PKN2: variants seen among roughly 807,000 people sequenced by gnomAD.
The protein encoded by PKN2 is protein kinase N2, also known as serine/threonine-protein kinase N2.
In PKN2, 38 loss-of-function variants were observed where a neutral mutation model predicts 119.1. That is an observed-to-expected ratio of 0.32 (90% CI 0.25 to 0.42). The LOEUF (loss-of-function observed/expected upper bound fraction) is 0.42. PKN2 is among the 10% of genes least tolerant of loss of function. The pLI, the probability that PKN2 is intolerant of heterozygous loss-of-function variation, is 1.00. For synonymous variants in PKN2, 390 were observed against 384.9 expected, an observed-to-expected ratio of 1.01 and a Z score of -0.15; for missense variants, 850 against 1,165.1, an observed-to-expected ratio of 0.73 and a Z score of 3.94.
intron 12 of PKN2, among the ~76,000 whole-genome samples, chr1:88,806,663 C>T (rs994704542): frequency 3.9e-5 from 6 of 152,126 alleles, no homozygotes; most frequent in Non-Finnish European, 1.5e-5. Flanking sequence ...GCCTGAAATA[C>T]TATTCTTCTT....
rs1669392548 is a variant in PKN2, at chr1:88,760,307, G to A, written c.435G>A (p.Leu145=). The A allele has an allele frequency of 5.8e-6, 9 of 1,562,514 alleles. No homozygotes were observed. In the East Asian group the frequency reaches 2.0e-4, roughly 35 times the overall value. ...NNRLKALQKQ[L]DIELKVKQGA... ...GATTGAAGGCCTTACAAAAACAATT[G>A]GATATAGAACTTAAAGTAAAACAAG... The change falls in exon 3 of 22, where the codon TTG becomes TTA. Residue 145 remains leucine (L), a synonymous_variant. Coordinates refer to ENST00000370521, the MANE Select transcript of PKN2 (RefSeq NM_006256.4).
At position 88,771,778 on chromosome 1, in the gene PKN2, A is replaced by G. The variant is rs766275815; in HGVS notation, c.884A>G (p.Glu295Gly). 1 of 1,613,868 alleles carries G rather than the reference A, an allele frequency of 6.2e-7. No individual in the cohort carries two copies. The highest frequency in any genetic ancestry group is 1.3e-5 in the African/African-American group (1 of 74,920). ...NHPKSRIIIEELSLVAASPTL... is the reference protein window; with the variant it reads ...NHPKSRIIIEGLSLVAASPTL... Reference sequence around the variant, plus strand: ...CCCAAAAGCAGGATTATTATTGAAGAACTTTCACTTGTTGCTGCATCACCA... The same window carrying G: ...CCCAAAAGCAGGATTATTATTGAAGGACTTTCACTTGTTGCTGCATCACCA... The change falls in exon 6 of 22, where the codon GAA becomes GGA. Residue 295 changes from glutamate (E) to glycine (G), a missense_variant. Glu to Gly is a moderately conservative substitution (Grantham distance 98). Coordinates refer to ENST00000370521, the MANE Select transcript of PKN2 (RefSeq NM_006256.4).
chr1:88,737,821 C>T (rs1668416797), intron 1 of PKN2, among the ~76,000 whole-genome samples: 1 of 152,180 alleles, frequency 6.6e-6, no homozygotes, highest in Admixed American at 6.5e-5. Context: ...TGGGCTGTGT[C>T]TCTCTCTGTG....
chr1:88,710,894 A>G (rs554005118), intron 1 of PKN2, among the ~76,000 whole-genome samples: 1 of 152,350 alleles, frequency 6.6e-6, no homozygotes, highest in South Asian at 2.1e-4. Context: ...ACATGGAATC[A>G]ACCTAAATGC....
Position 88,826,249 on chromosome 1 carries a change from G to A in PKN2, c.2419+1863G>A, listed in dbSNP as rs575457406. Reference sequence around the variant, plus strand: ...AACATAAAAGGTGCAGAAAATATGTGTGTTGAATAACCAGACTTATTAATG... The same window carrying A: ...AACATAAAAGGTGCAGAAAATATGTATGTTGAATAACCAGACTTATTAATG... On this transcript the variant is annotated intron_variant, in intron 18 of 21. Transcript: ENST00000370521. 6.0e-4 allele frequency among the ~76,000 whole-genome samples: 92 copies of A among 152,198 alleles called. 1 individual carries two copies. The highest frequency in any genetic ancestry group is 1.2e-3 in the Non-Finnish European group (79 of 68,024).
intron 8 of PKN2, among the ~76,000 whole-genome samples, chr1:88,793,043 A>G (rs374910815): frequency 1.3e-5 from 2 of 152,214 alleles, no homozygotes; most frequent in Non-Finnish European, 1.5e-5. Context: ...TTAAATGGAT[A>G]CTGTTGACAC....
intron 1 of PKN2, among the ~76,000 whole-genome samples, chr1:88,705,567 C>T (rs1043289498): frequency 6.6e-6 from 1 of 151,738 alleles, no homozygotes; most frequent in Non-Finnish European, 1.5e-5. Flanking sequence ...GTTGTGGTGG[C>T]AGGCATTGTA....
In PKN2 at chr1:88,833,443, T is replaced by G; in HGVS notation, c.2950T>G (p.Cys984Gly). The change falls in exon 22 of 22, where the codon TGT (cysteine) becomes GGT (glycine). Residue 984 changes from cysteine (C) to glycine (G), a missense_variant. Cys to Gly is a radical substitution (Grantham distance 159). Around this residue, in one of 9 missense-constraint regions of PKN2, gnomAD observed 52 missense variants for 39.9 expected, o/e 1.30. Coordinates refer to ENST00000370521, the MANE Select transcript of PKN2 (RefSeq NM_006256.4). Reference sequence around the variant, plus strand: ...AGATTTTGACTACATTGCTGATTGGTGTTAAGTTGCTAGACACTGCGAAAC... The same window carrying G: ...AGATTTTGACTACATTGCTGATTGGGGTTAAGTTGCTAGACACTGCGAAAC... ...FRDFDYIADW[C>G] 1 of 1,612,762 alleles carries G rather than the reference T, an allele frequency of 6.2e-7. No homozygotes were observed. Among genetic ancestry groups the G allele is most frequent in the Non-Finnish European group, 8.5e-7 (1 of 1,179,032 alleles).
At chr1:88,717,350 AG>A (rs1667495748) in intron 1 of PKN2, among the ~76,000 whole-genome samples, 1 of 152,112 alleles carries the variant, frequency 6.6e-6, no homozygotes. Context: ...CTGCCTTGCT[AG>A]GTTGGGGAAG....
In PKN2 at chr1:88,770,349, T is replaced by A. The variant is rs749483995; in HGVS notation, c.505-3T>A. On this transcript the variant is annotated splice_region_variant and splice_polypyrimidine_tract_variant and intron_variant, in intron 3 of 21. Transcript: ENST00000370521. ...TAATTTTTCAAACTTATTTTTTTAA[T>A]AGGATCGGAAACTCCATGGTACAGC... 2 of 1,568,494 alleles carry A rather than the reference T, an allele frequency of 1.3e-6. No individual in the cohort carries two copies. Among genetic ancestry groups the A allele is most frequent in the African/African-American group, 2.7e-5 (2 of 73,384 alleles).
chr1:88,744,277 A>T (rs1265234215), intron 2 of PKN2, among the ~76,000 whole-genome samples: 1 of 152,182 alleles, frequency 6.6e-6, no homozygotes, highest in African/African-American at 2.4e-5. Context: ...GTATGAGTGG[A>T]TTTATAACAG....
At chr1:88,796,798 A>G (rs948179177) in intron 8 of PKN2, among the ~76,000 whole-genome samples, 4 of 152,198 alleles carry the variant, frequency 2.6e-5, no homozygotes, top group African/African-American at 7.2e-5. Context: ...ACTGTGAACT[A>G]TTTGAGAGCA....
chr1:88,785,662 G>T (rs1328654477), intron 7 of PKN2, among the ~76,000 whole-genome samples: 1 of 152,160 alleles, frequency 6.6e-6, no homozygotes, highest in African/African-American at 2.4e-5. Flanking sequence ...GCATGTGACA[G>T]TTCAGCCTAC....
At chr1:88,741,635 G>A (rs1668582797) in intron 2 of PKN2, among the ~76,000 whole-genome samples, 1 of 152,084 alleles carries the variant, frequency 6.6e-6, no homozygotes, top group African/African-American at 2.4e-5. Flanking sequence ...AAGTTTGCCA[G>A]CTGACTTAAA....
intron 12 of PKN2, 57 bp downstream of exon 12, chr1:88,806,074 G>C: frequency 7.0e-7 from 1 of 1,424,892 alleles, no homozygotes; most frequent in South Asian, 1.2e-5. Flanking sequence ...AGCAATAAAA[G>C]CATCATAGTG....
chr1:88,760,371 T>C lies in PKN2; in HGVS notation c.499T>C (p.Ser167Pro). The change falls in exon 3 of 22, where the codon TCA becomes CCA. Residue 167 changes from serine (S) to proline (P), a missense_variant. Ser to Pro is a moderately conservative substitution (Grantham distance 74). Transcript: ENST00000370521. ...GATACAGATGTATTCAAATGGATCT[T>C]CAAAGGTAAGTGTAGTTAATAAATG... ...NMIQMYSNGSSKDRKLHGTAQ... is the reference protein window; with the variant it reads ...NMIQMYSNGSPKDRKLHGTAQ... 6.6e-7 allele frequency: 1 copy of C among 1,514,996 alleles called. No individual in the cohort carries two copies. Among genetic ancestry groups the C allele is most frequent in the Non-Finnish European group, 9.0e-7 (1 of 1,107,636 alleles). The allele number at this position is 1,514,996 out of a possible 1,614,324, so 93.8% of individuals were successfully genotyped here.
chr1:88,684,799 G>T (rs1326983458), intron 1 of PKN2, 171 bp downstream of exon 1: 4 of 560,934 alleles, frequency 7.1e-6, no homozygotes, highest in Non-Finnish European at 1.2e-5. Flanking sequence ...CGCTTCCCTG[G>T]GGAGCCGGAC....
chr1:88,760,414 A>G (rs750965903), intron 3 of PKN2, 38 bp downstream of exon 3: 6 of 1,161,932 alleles, frequency 5.2e-6, no homozygotes, highest in African/African-American at 3.2e-5. Context: ...ATAGTCAGTC[A>G]TTATTTGCAG....
intron 1 of PKN2, among the ~76,000 whole-genome samples, chr1:88,704,221 A>C (rs1220554443): frequency 6.6e-6 from 1 of 152,194 alleles, no homozygotes; most frequent in Non-Finnish European, 1.5e-5. Context: ...GTTTTTATAC[A>C]AAAAGAATTA....
Sources: gnomAD v4.1 joint callset for allele counts (sites outside exome capture counted in the v4.1 genomes callset) on GRCh38, gnomAD v4.1.1 for gene constraint, gnomAD v4.1.1 regional missense constraint, MANE v1.5 for transcripts, NCBI Gene and HGNC (gene_info 2026-07-23, HGNC 2026-07-21) for gene names.